Variants in CFHR3 observed in about 807,000 individuals in gnomAD.
CFHR3 encodes the protein complement factor H related 3, also known as complement factor H-related protein 3.
Under a neutral mutation model 36.0 loss-of-function variants are expected in CFHR3, and 22 were observed. The observed-to-expected ratio is 0.61, with a 90% CI of 0.44 to 0.87. CFHR3 has a LOEUF of 0.87. Ranked by LOEUF, CFHR3 falls within the 40% of genes least tolerant of loss-of-function variation. CFHR3 has a pLI of 0.00. For missense variants in CFHR3, 276 were observed against 401.3 expected, an observed-to-expected ratio of 0.69 and a Z score of 2.67; for synonymous variants, 97 against 137.4, an observed-to-expected ratio of 0.71 and a Z score of 2.06.
At chr1:196,781,630 C>T (rs1302355510) in intron 3 of CFHR3, among the ~76,000 whole-genome samples, 1 of 136,270 alleles carries the variant, frequency 7.3e-6, no homozygotes, top group African/African-American at 3.1e-5. Flanking sequence ...ATGTCCTTTG[C>T]CCACTTTTTG....
At chr1:196,789,071 T>A in intron 4 of CFHR3, 2 of 1,135,812 alleles carry the variant, frequency 1.8e-6, no homozygotes, top group Non-Finnish European at 2.2e-6. Context: ...ACAAAGGAAA[T>A]CTTTCAGTGG....
chr1:196,781,589 G>A lies in CFHR3; in HGVS notation c.430+1616G>A, dbSNP rs865940248. 9.5e-5 allele frequency among the ~76,000 whole-genome samples: 13 copies of A among 136,814 alleles called. 3 individuals carry two copies. Among genetic ancestry groups the A allele is most frequent in the South Asian group, 7.6e-4 (3 of 3,950 alleles). 89.8% of individuals were successfully genotyped at this position (136,814 alleles called of 152,430 possible). ...ATTTTTTCATGTGTTTTTTGGCTGC[G>A]TAAATGTCTTCTTTTGAGAAGCATC... On this transcript the variant is annotated intron_variant, in intron 3 of 5. Transcript: ENST00000367425.
At chr1:196,779,736 C>CTT in intron 2 of CFHR3, 61 bp from the exon 3 acceptor site, 1 of 1,430,284 alleles carries the variant, frequency 7.0e-7, no homozygotes, top group Non-Finnish European at 9.3e-7. Flanking sequence ...TTTTAATATA[C>CTT]TTTTTGTGCA....
Position 196,785,596 on chromosome 1 carries a change from C to T in CFHR3, c.431-2620C>T, listed in dbSNP as rs553084730. ...TACCCTTTCTTCCAGATGATCACAT[C>T]GGCTCCTGAGGCTTCTGTATTCTTC... is the stretch of plus-strand genomic sequence containing the variant. On this transcript the variant is annotated intron_variant, in intron 3 of 5. Coordinates refer to ENST00000367425, the MANE Select transcript of CFHR3 (RefSeq NM_021023.6). Among the ~76,000 whole-genome samples, 149 of 137,272 alleles carry T rather than the reference C, an allele frequency of 1.1e-3. 40 individuals carry two copies. The highest frequency in any genetic ancestry group is 4.2e-3 in the African/African-American group (138 of 32,930). The allele number at this position is 137,272 out of a possible 152,430, so 90.1% of individuals were successfully genotyped here. A position where few individuals can be genotyped will look rare whatever the true frequency, so the allele number is the denominator to read the frequency against.
intron 5 of CFHR3, among the ~76,000 whole-genome samples, chr1:196,792,259 T>C (rs1412763624): frequency 9.0e-6 from 1 of 110,966 alleles, no homozygotes; most frequent in Non-Finnish European, 1.8e-5. Context: ...ACTTGAAAGA[T>C]GTATTAAAAT....
rs751334760 is a variant in CFHR3 at position 196,779,899 on chromosome 1, G to C, written c.356G>C (p.Gly119Ala). ...STEVACHPGYGLPKAQTTVTC... is the reference protein window; with the variant it reads ...STEVACHPGYALPKAQTTVTC... ...GAAGTTGCCTGCCATCCTGGCTACG[G>C]TCTTCCAAAAGCGCAGACCACAGTT... Residue 119 changes from glycine (G) to alanine (A), a missense_variant, in exon 3 of 6, where the codon GGT (glycine) becomes GCT (alanine). Gly to Ala is a moderately conservative substitution (Grantham distance 60). Coordinates refer to ENST00000367425, the MANE Select transcript of CFHR3 (RefSeq NM_021023.6). The C allele has an allele frequency of 4.6e-6, 7 of 1,533,196 alleles. 2 individuals carry two copies. In the African/African-American group the frequency reaches 1.2e-4, roughly 25 times the overall value. 95.0% of individuals were successfully genotyped at this position (1,533,196 alleles called of 1,614,324 possible). A position where few individuals can be genotyped will look rare whatever the true frequency, so the allele number is the denominator to read the frequency against.
In CFHR3 at chr1:196,794,748, G is replaced by A. The variant is rs1274735276; in HGVS notation, c.*1235G>A. The A allele has an allele frequency of 3.5e-6, 1 of 283,520 alleles. No homozygotes were observed. The highest frequency in any genetic ancestry group is 6.8e-6 in the Non-Finnish European group (1 of 146,108). The allele number at this position is 283,520 out of a possible 1,614,324, so 17.6% of individuals were successfully genotyped here. On this transcript the variant is annotated 3_prime_UTR_variant, in exon 6 of 6. Transcript: ENST00000367425. ...ATTGAAATCTCTATTCACTTTAATA[G>A]ATTTTTACCCCCAGTTAGCATATGG...
rs1178642375 is a variant in CFHR3, at chr1:196,776,381, T to C, written c.58+1437T>C. ...AACATCTTGGGTAGAGAGAAACATCTTTGTGAATTCAGTAGCATTGGCTCA... is the reference window on the plus strand; with the variant it reads ...AACATCTTGGGTAGAGAGAAACATCCTTGTGAATTCAGTAGCATTGGCTCA... On this transcript the variant is annotated intron_variant, in intron 1 of 5. Transcript: ENST00000367425. Among the ~76,000 whole-genome samples the C allele has an allele frequency of 4.4e-5, 6 of 137,698 alleles. 2 individuals are homozygous for C. The highest frequency in any genetic ancestry group is 1.8e-4 in the African/African-American group (6 of 33,242). 90.3% of individuals were successfully genotyped at this position (137,698 alleles called of 152,430 possible). A position where few individuals can be genotyped will look rare whatever the true frequency, so the allele number is the denominator to read the frequency against.
intron 1 of CFHR3, among the ~76,000 whole-genome samples, chr1:196,775,173 C>T (rs1653661513): frequency 7.3e-6 from 1 of 136,356 alleles, no homozygotes; most frequent in Admixed American, 7.1e-5. Flanking sequence ...CTAAGTTCTA[C>T]AGTGTAAAAG....
rs1476946032 is a variant in CFHR3 at position 196,776,974 on chromosome 1, A to G, written c.58+2030A>G. Among the ~76,000 whole-genome samples the G allele has an allele frequency of 3.7e-5, 5 of 135,296 alleles. 1 individual carries two copies. Among genetic ancestry groups the G allele is most frequent in the African/African-American group, 1.6e-4 (5 of 32,098 alleles). The allele number at this position is 135,296 out of a possible 152,430, so 88.8% of individuals were successfully genotyped here. On this transcript the variant is annotated intron_variant, in intron 1 of 5. Transcript: ENST00000367425. ...GTTTACATATTATCTGTATTCATCTATATTCAGAATCTAGTAAATCGAATC... is the reference window on the plus strand; with the variant it reads ...GTTTACATATTATCTGTATTCATCTGTATTCAGAATCTAGTAAATCGAATC...
In CFHR3 at chr1:196,787,106, G is replaced by A. The variant is rs557493021; in HGVS notation, c.431-1110G>A. ...TACAAAACATTCCATTATAGAAACCGCATAATAATTATGGAATAATTGAGA... is the reference window on the plus strand; with the variant it reads ...TACAAAACATTCCATTATAGAAACCACATAATAATTATGGAATAATTGAGA... On this transcript the variant is annotated intron_variant, in intron 3 of 5. Transcript: ENST00000367425. Among the ~76,000 whole-genome samples the A allele has an allele frequency of 4.2e-4, 58 of 137,120 alleles. 15 individuals are homozygous for A. The highest frequency in any genetic ancestry group is 1.6e-3 in the African/African-American group (53 of 32,882). 90.0% of individuals were successfully genotyped at this position (137,120 alleles called of 152,430 possible).
At chr1:196,790,415 A>C (rs1654380104) in intron 5 of CFHR3, among the ~76,000 whole-genome samples, 188 bp downstream of exon 5, 1 of 129,852 alleles carries the variant, frequency 7.7e-6, no homozygotes, top group Non-Finnish European at 1.6e-5. Context: ...GTAAACAATG[A>C]CCAAGTTTCT....
chr1:196,786,497 C>A (rs1045895046), intron 3 of CFHR3, among the ~76,000 whole-genome samples: 2 of 135,062 alleles, frequency 1.5e-5, no homozygotes, highest in Admixed American at 1.4e-4. Context: ...CCTAAGCAAG[C>A]CTGGGCAATG....
Position 196,779,941 on chromosome 1 carries a change from G to T in CFHR3, c.398G>T (p.Gly133Val), listed in dbSNP as rs754643554. The change falls in exon 3 of 6, where the codon GGC (glycine) becomes GTC (valine). Residue 133 changes from glycine to valine, a missense_variant. Coordinates refer to ENST00000367425, the MANE Select transcript of CFHR3 (RefSeq NM_021023.6). The part of the protein sequence containing the change: ...AQTTVTCTEK[G>V]WSPTPRCIRV... ...ACCACAGTTACATGTACGGAGAAAGGCTGGTCTCCTACTCCCAGATGCATC... is the reference window on the plus strand; with the variant it reads ...ACCACAGTTACATGTACGGAGAAAGTCTGGTCTCCTACTCCCAGATGCATC... The T allele has an allele frequency of 6.5e-7, 1 of 1,533,132 alleles. No homozygotes were observed. The highest frequency in any genetic ancestry group is 8.8e-7 in the Non-Finnish European group (1 of 1,133,294). 95.0% of individuals were successfully genotyped at this position (1,533,132 alleles called of 1,614,324 possible).
intron 3 of CFHR3, among the ~76,000 whole-genome samples, chr1:196,781,056 G>A (rs945044056): frequency 3.2e-5 from 4 of 125,958 alleles, no homozygotes; most frequent in African/African-American, 1.4e-4. Flanking sequence ...GTGGTGTTTG[G>A]TGTTTTGTCC....
Position 196,788,418 on chromosome 1 carries a change from C to T in CFHR3, c.613+20C>T, listed in dbSNP as rs762375718. The T allele has an allele frequency of 1.3e-6, 2 of 1,522,060 alleles. No individual in the cohort carries two copies. Among genetic ancestry groups the T allele is most frequent in the Non-Finnish European group, 1.8e-6 (2 of 1,129,210 alleles). 94.3% of individuals were successfully genotyped at this position (1,522,060 alleles called of 1,614,324 possible). ...GCATTAGTAAGTGATTTACATATTC[C>T]CATTCAGTTTCTGTCAACTTCGTTC... On this transcript the variant is annotated intron_variant, in intron 4 of 5. Transcript: ENST00000367425.
At chr1:196,781,896 G>T (rs188824647) in intron 3 of CFHR3, among the ~76,000 whole-genome samples, 4 of 136,834 alleles carry the variant, frequency 2.9e-5, no homozygotes, top group Admixed American at 2.8e-4. Context: ...GTCCTGAATG[G>T]TAATGCCTAG....
intron 1 of CFHR3, among the ~76,000 whole-genome samples, chr1:196,778,330 C>CTGATTTATGAGAAA (rs1653814094): frequency 7.3e-6 from 1 of 136,950 alleles, no homozygotes; most frequent in Non-Finnish European, 1.5e-5. Flanking sequence ...CCGCTAGCCT[C>CTGATTTATGAGAAA]CTTCCCGTTC....
rs566173188 is a variant in CFHR3 at position 196,794,326 on chromosome 1, G to C, written c.*813G>C. Among the ~76,000 whole-genome samples, 14 of 136,340 alleles carry C rather than the reference G, an allele frequency of 1.0e-4. 3 individuals carry two copies. Among genetic ancestry groups the C allele is most frequent in the South Asian group, 2.6e-4 (1 of 3,918 alleles). 89.4% of individuals were successfully genotyped at this position (136,340 alleles called of 152,430 possible). On this transcript the variant is annotated 3_prime_UTR_variant, in exon 6 of 6. Coordinates refer to ENST00000367425, the MANE Select transcript of CFHR3 (RefSeq NM_021023.6). ...AAAAATAGAAAAACTAGCTCGGCAT[G>C]ATGGCGTGCACCTGTAGTCCCAGCT... is the stretch of plus-strand genomic sequence containing the variant.
Sources: gnomAD v4.1 joint callset for allele counts (sites outside exome capture counted in the v4.1 genomes callset) on GRCh38, gnomAD v4.1.1 for gene constraint, MANE v1.5 for transcripts, NCBI Gene and HGNC (gene_info 2026-07-23, HGNC 2026-07-21) for gene names.